The following DLG2 variants were observed in gnomAD, a reference collection of about 807,000 sequenced individuals.
DLG2 encodes disks large homolog 2.
In DLG2, 45 loss-of-function variants were observed where a neutral mutation model predicts 132.5. The ratio of observed to expected loss-of-function variants is 0.34; its 90% CI spans 0.27 to 0.44. The LOEUF (loss-of-function observed/expected upper bound fraction) is 0.44. DLG2 is among the 20% of genes least tolerant of loss of function. DLG2 has a pLI of 1.00. For missense variants in DLG2, 1,045 were observed against 1,196.9 expected, an observed-to-expected ratio of 0.87 and a Z score of 1.87; for synonymous variants, 424 against 419.6, an observed-to-expected ratio of 1.01 and a Z score of -0.13.
chr11:85,451,238 C>T (rs2092231737), intron 3 of DLG2, among the ~76,000 whole-genome samples: 1 of 152,148 alleles, frequency 6.6e-6, no homozygotes, highest in South Asian at 2.1e-4. Context: ...AACTCACAAC[C>T]AAACCATTAC....
chr11:85,392,297 C>T (rs1455057340), intron 3 of DLG2, among the ~76,000 whole-genome samples: 1 of 151,770 alleles, frequency 6.6e-6, no homozygotes, highest in Non-Finnish European at 1.5e-5. Context: ...ATGACACAAA[C>T]AAATGGAAAC....
At chr11:83,910,846 T>A (rs1341345139) in intron 15 of DLG2, among the ~76,000 whole-genome samples, 2 of 152,114 alleles carry the variant, frequency 1.3e-5, no homozygotes, top group Non-Finnish European at 1.5e-5. Flanking sequence ...CACTGAACAT[T>A]TGAGAACCCA....
At chr11:84,904,319 A>G (rs1246364181) in intron 6 of DLG2, among the ~76,000 whole-genome samples, 1 of 152,164 alleles carries the variant, frequency 6.6e-6, no homozygotes, top group African/African-American at 2.4e-5. Context: ...TTTTAATTGC[A>G]ATTATATCCC....
At chr11:83,660,192 T>A (rs1220193145) in intron 18 of DLG2, among the ~76,000 whole-genome samples, 1 of 152,140 alleles carries the variant, frequency 6.6e-6, no homozygotes, top group Non-Finnish European at 1.5e-5. Flanking sequence ...AAATAAGACA[T>A]AACCTAGCCC....
At chr11:84,711,057 TTTTAAATGTTTTCTACTA>T (rs2060355280) in intron 6 of DLG2, among the ~76,000 whole-genome samples, 2 of 148,726 alleles carry the variant, frequency 1.3e-5, no homozygotes, top group South Asian at 4.2e-4. Context: ...ATTAAAGTAG[TTTTAAATGTTTTCTACTA>T]TTTAAATGTT....
At chr11:84,443,388 T>A (rs1321080421) in intron 7 of DLG2, among the ~76,000 whole-genome samples, 1 of 152,192 alleles carries the variant, frequency 6.6e-6, no homozygotes, top group Non-Finnish European at 1.5e-5. Flanking sequence ...CTTGTAGCTC[T>A]CTCTTTAAGT....
At chr11:85,027,614 C>T (rs1014950299) in intron 6 of DLG2, among the ~76,000 whole-genome samples, 15 of 152,238 alleles carry the variant, frequency 9.9e-5, no homozygotes, top group Admixed American at 2.6e-4. Flanking sequence ...TGCACAGCCA[C>T]GCATGCTAGC....
intron 6 of DLG2, among the ~76,000 whole-genome samples, chr11:85,009,367 T>A (rs2058959883): frequency 6.6e-6 from 1 of 152,122 alleles, no homozygotes; most frequent in Non-Finnish European, 1.5e-5. Flanking sequence ...ATCATTTGAT[T>A]GAGCTGCTAA....
chr11:85,387,089 G>A (rs973970776), intron 3 of DLG2, among the ~76,000 whole-genome samples: 1 of 151,906 alleles, frequency 6.6e-6, no homozygotes, highest in Non-Finnish European at 1.5e-5. Flanking sequence ...GGTTTCACCT[G>A]TCTGGTCAGG....
chr11:85,324,447 C>A (rs993022970), intron 3 of DLG2, among the ~76,000 whole-genome samples: 1 of 152,030 alleles, frequency 6.6e-6, no homozygotes. Context: ...CCTTATTTTG[C>A]CTTTAAGATT....
chr11:84,047,713 GT>G (rs2096270329), intron 11 of DLG2, among the ~76,000 whole-genome samples: 1 of 151,532 alleles, frequency 6.6e-6, no homozygotes, highest in Admixed American at 6.6e-5. Flanking sequence ...CATATATTCT[GT>G]TAAAAAATTA....
At chr11:85,462,042 A>G (rs1254547318) in intron 3 of DLG2, among the ~76,000 whole-genome samples, 1 of 152,276 alleles carries the variant, frequency 6.6e-6, no homozygotes, top group African/African-American at 2.4e-5. Flanking sequence ...CAAAAGACAC[A>G]TGAAAACATG....
At chr11:83,886,015 C>T (rs915930209) in intron 15 of DLG2, among the ~76,000 whole-genome samples, 3 of 152,174 alleles carry the variant, frequency 2.0e-5, no homozygotes, top group East Asian at 1.9e-4. Context: ...TAAAGATCAT[C>T]GAGGCTAGGA....
At chr11:85,411,477 T>C (rs2089304944) in intron 3 of DLG2, among the ~76,000 whole-genome samples, 1 of 151,852 alleles carries the variant, frequency 6.6e-6, no homozygotes, top group Non-Finnish European at 1.5e-5. Context: ...AATTTGCAAA[T>C]ATTAATAACA....
chr11:84,453,806 C>T (rs2099058037), intron 7 of DLG2, among the ~76,000 whole-genome samples: 1 of 151,634 alleles, frequency 6.6e-6, no homozygotes, highest in African/African-American at 2.4e-5. Flanking sequence ...AATCTCTGCT[C>T]TTAACCACAA....
intron 3 of DLG2, among the ~76,000 whole-genome samples, chr11:85,330,534 A>T (rs1237679268): frequency 1.1e-5 from 1 of 88,838 alleles, no homozygotes; most frequent in African/African-American, 4.3e-5. Context: ...AGAACAAAAA[A>T]CCAAACACCG....
chr11:83,835,608 A>G (rs1037337330), intron 16 of DLG2, among the ~76,000 whole-genome samples: 5 of 152,202 alleles, frequency 3.3e-5, no homozygotes, highest in African/African-American at 1.2e-4. Context: ...AGAATGGTAA[A>G]CAATGAAGTC....
At chr11:85,337,366 G>C (rs889550135) in intron 3 of DLG2, among the ~76,000 whole-genome samples, 3 of 152,082 alleles carry the variant, frequency 2.0e-5, no homozygotes, top group Admixed American at 2.0e-4. Flanking sequence ...TTACACGCCT[G>C]AACCATCAGG....
At chr11:83,639,500 C>T (rs558921089) in intron 18 of DLG2, among the ~76,000 whole-genome samples, 5 of 151,472 alleles carry the variant, frequency 3.3e-5, no homozygotes, top group South Asian at 2.1e-4. Flanking sequence ...AGCAAACTAT[C>T]GCAAGGACAA....
Sources: allele counts gnomAD v4.1 joint callset (sites outside exome capture counted in the v4.1 genomes callset), GRCh38; gene constraint gnomAD v4.1.1; transcripts MANE v1.5; gene names NCBI Gene and HGNC (gene_info 2026-07-23, HGNC 2026-07-21).